The following ANKRD46 variants were observed in gnomAD, a reference collection of about 807,000 sequenced individuals.
ANKRD46 encodes the protein ankyrin repeat domain 46.
In ANKRD46, 13 loss-of-function variants were observed where a neutral mutation model predicts 19.8. The ratio of observed to expected loss-of-function variants is 0.66; its 90% CI spans 0.43 to 1.04. ANKRD46 has a LOEUF of 1.04. Among genes scored for constraint, ANKRD46 ranks in the 50% least tolerant of loss-of-function variants. ANKRD46 has a pLI of 0.00. For missense variants in ANKRD46, 185 were observed against 274.8 expected (o/e 0.67, Z 2.31); for synonymous variants, 91 against 106.9 (o/e 0.85, Z 0.92).
At position 100,525,258 on chromosome 8, in the gene ANKRD46, C is replaced by T. The variant is rs1015061426; in HGVS notation, c.471-2487G>A. Among the ~76,000 whole-genome samples, 1 of 152,190 alleles carries T rather than the reference C, an allele frequency of 6.6e-6. No individual in the cohort carries two copies. The highest frequency in any genetic ancestry group is 2.4e-5 in the African/African-American group (1 of 41,450). Reference sequence around the variant, plus strand: ...ACTTTTTCATCTACATTTATTGAGACATAATTCACATCCCATAATATTTAC... The same window carrying T: ...ACTTTTTCATCTACATTTATTGAGATATAATTCACATCCCATAATATTTAC... On this transcript the variant is annotated intron_variant, in intron 4 of 4. Transcript: ENST00000335659. This position sits in a 1 kb window ranked among gnomAD's most constrained non-coding sequence, Gnocchi z 4.4.
chr8:100,529,994 A>C lies in ANKRD46; in HGVS notation c.-27-134T>G. 1 of 596,250 alleles carries C rather than the reference A, an allele frequency of 1.7e-6. No individual in the cohort carries two copies. 36.9% of individuals were successfully genotyped at this position (596,250 alleles called of 1,614,324 possible). A position where few individuals can be genotyped will look rare whatever the true frequency, so the allele number is the denominator to read the frequency against. The stretch of plus-strand genomic sequence containing the variant: ...AAATAAATGACCAAACAGAAACAAC[A>C]ACAAAGTTATCAATTGTATTTTATT... On this transcript the variant is annotated intron_variant, in intron 2 of 4. Coordinates refer to ENST00000335659, the MANE Select transcript of ANKRD46 (RefSeq NM_001270377.2). The surrounding 1 kb of genome is among the most constrained non-coding windows in gnomAD (Gnocchi z 5.8).
Position 100,511,436 on chromosome 8 carries a change from TTGTGTG to T in ANKRD46, c.637-803_637-798del, listed in dbSNP as rs112670071. Among the ~76,000 whole-genome samples the T allele has an allele frequency of 4.7e-5, 7 of 148,536 alleles. No homozygotes were observed. The highest frequency in any genetic ancestry group is 6.0e-5 in the Non-Finnish European group (4 of 66,724). ...GGTAAATGGTGAGGTAGACACCAAG[TTGTGTG>T]TGTGTGTGTGTGTGTGTGTCCTGTG... is the stretch of plus-strand genomic sequence containing the variant. On this transcript the variant is annotated intron_variant, in intron 5 of 5. Transcript: ENST00000520552. The surrounding 1 kb of genome is among the most constrained non-coding windows in gnomAD (Gnocchi z 4.1).
At position 100,521,389 on chromosome 8, in the gene ANKRD46, G is replaced by A. The variant is rs1811720941; in HGVS notation, c.*1166C>T. On this transcript the variant is annotated 3_prime_UTR_variant, in exon 5 of 5. Transcript: ENST00000335659. ...TTCATATTCTTTTTTAACCACTCAA[G>A]AACATAATTCATACATTACAGAATC... The A allele has an allele frequency of 7.1e-6, 7 of 985,124 alleles. No individual in the cohort carries two copies. The highest frequency in any genetic ancestry group is 8.4e-6 in the Non-Finnish European group (7 of 829,906). The allele number at this position is 985,124 out of a possible 1,614,324, so 61.0% of individuals were successfully genotyped here.
chr8:100,537,672 C>G lies in ANKRD46; in HGVS notation c.-130-4361G>C, dbSNP rs549233865. On this transcript the variant is annotated intron_variant, in intron 1 of 4. Transcript: ENST00000335659. This position sits in a 1 kb window ranked among gnomAD's most constrained non-coding sequence, Gnocchi z 4.2. ...TCTGCAAAAATCCAAAGATACTGGG[C>G]AAGGAAAAATGCCATGTTGAAAAGA... Among the ~76,000 whole-genome samples the G allele has an allele frequency of 6.6e-6, 1 of 152,078 alleles. No homozygotes were observed. The highest frequency in any genetic ancestry group is 2.4e-5 in the African/African-American group (1 of 41,402).
chr8:100,530,173 T>C lies in ANKRD46; in HGVS notation c.-27-313A>G, dbSNP rs1458709300. ...AATAGCTTAGATTTAAGTATTACAT[T>C]GTCAGAACACATAGATAACATGGTG... On this transcript the variant is annotated intron_variant, in intron 2 of 4. Coordinates refer to ENST00000335659, the MANE Select transcript of ANKRD46 (RefSeq NM_001270377.2). 4.6e-5 allele frequency among the ~76,000 whole-genome samples: 7 copies of C among 152,352 alleles called. No homozygotes were observed. In the East Asian group the frequency reaches 1.3e-3, roughly 29 times the overall value.
intron 1 of ANKRD46, among the ~76,000 whole-genome samples, chr8:100,538,526 G>C (rs999613082): frequency 1.3e-5 from 2 of 152,158 alleles, no homozygotes; most frequent in African/African-American, 4.8e-5. Context: ...AGGGACTTGA[G>C]CATCTGTGAA....
chr8:100,534,559 G>C lies in ANKRD46; in HGVS notation c.-130-1248C>G, dbSNP rs1217261184. 6.6e-6 allele frequency among the ~76,000 whole-genome samples: 1 copy of C among 152,144 alleles called. No homozygotes were observed. The highest frequency in any genetic ancestry group is 1.5e-5 in the Non-Finnish European group (1 of 68,028). ...TCTAGAGCTGAGTCTTTAACGACTA[G>C]AGCCTGTCTCTAATGTATGATTTGG... On this transcript the variant is annotated intron_variant, in intron 1 of 4. Coordinates refer to ENST00000335659, the MANE Select transcript of ANKRD46 (RefSeq NM_001270377.2). The surrounding 1 kb of genome is among the most constrained non-coding windows in gnomAD (Gnocchi z 4.2).
chr8:100,535,735 T>C (rs555494566), intron 1 of ANKRD46, among the ~76,000 whole-genome samples: 5 of 152,332 alleles, frequency 3.3e-5, no homozygotes, highest in South Asian at 2.1e-4. Context: ...TGTGTATCCA[T>C]AGTTTGTCCC....
rs1359489069 is a variant in ANKRD46 at position 100,524,720 on chromosome 8, T to A, written c.471-1949A>T. ...CTATGTAAAATTTATTGATTACGAG[T>A]TGACATGCCCTTATACATGTTAGGT... On this transcript the variant is annotated intron_variant, in intron 4 of 4. Transcript: ENST00000335659. This position sits in a 1 kb window ranked among gnomAD's most constrained non-coding sequence, Gnocchi z 4.3. Among the ~76,000 whole-genome samples, 1 of 152,122 alleles carries A rather than the reference T, an allele frequency of 6.6e-6. No individual in the cohort carries two copies. Among genetic ancestry groups the A allele is most frequent in the East Asian group, 1.9e-4 (1 of 5,198 alleles).
rs6468724 is a variant in ANKRD46 at position 100,544,037 on chromosome 8, T to G, written c.-130-10726A>C. 6.6e-6 allele frequency among the ~76,000 whole-genome samples: 1 copy of G among 152,194 alleles called. No individual in the cohort carries two copies. ...TCACTTCCATCACTTAGTTGGACTT[T>G]GCACACTTAGAACTTAACTCCACTG... On this transcript the variant is annotated intron_variant, in intron 1 of 4. Coordinates refer to ENST00000335659, the MANE Select transcript of ANKRD46 (RefSeq NM_001270377.2). The surrounding 1 kb of genome is among the most constrained non-coding windows in gnomAD (Gnocchi z 4.4).
At chr8:100,523,345 C>T (rs1215738200) in intron 4 of ANKRD46, among the ~76,000 whole-genome samples, 1 of 151,544 alleles carries the variant, frequency 6.6e-6, no homozygotes, top group African/African-American at 2.4e-5. Flanking sequence ...CTGAAGAGGA[C>T]AGTCATCTAC....
intron 1 of ANKRD46, among the ~76,000 whole-genome samples, chr8:100,554,110 G>C (rs1485357199): frequency 6.6e-6 from 1 of 152,220 alleles, no homozygotes; most frequent in Non-Finnish European, 1.5e-5. Context: ...ACATGAGAGA[G>C]AGCCAGAGAC....
intron 1 of ANKRD46, among the ~76,000 whole-genome samples, chr8:100,547,576 C>T (rs1034795308): frequency 2.0e-5 from 3 of 152,164 alleles, no homozygotes; most frequent in Non-Finnish European, 1.5e-5. Flanking sequence ...GAGCTGTGAT[C>T]ATGCCACAGC....
rs1240750831 is a variant in ANKRD46, at chr8:100,510,060, TTGTC to T, written c.*513_*516del. ...AAGTCTTTTCTTCCACCCAAATCCA[TTGTC>T]TGAGTGTGAAAGTGCTTTCCTCAGC... On this transcript the variant is annotated 3_prime_UTR_variant, in exon 6 of 6. Coordinates refer to the ANKRD46 transcript ENST00000520552. The surrounding 1 kb of genome is among the most constrained non-coding windows in gnomAD (Gnocchi z 4.9). 6.6e-6 allele frequency: 1 copy of T among 152,598 alleles called. No individual in the cohort carries two copies. Among genetic ancestry groups the T allele is most frequent in the East Asian group, 1.9e-4 (1 of 5,212 alleles). The allele number at this position is 152,598 out of a possible 1,614,324, so 9.5% of individuals were successfully genotyped here.
In ANKRD46 at chr8:100,537,469, G is replaced by A. The variant is rs137935370; in HGVS notation, c.-130-4158C>T. Among the ~76,000 whole-genome samples the A allele has an allele frequency of 2.0e-5, 3 of 152,280 alleles. No individual in the cohort carries two copies. Among genetic ancestry groups the A allele is most frequent in the African/African-American group, 7.2e-5 (3 of 41,556 alleles). On this transcript the variant is annotated intron_variant, in intron 1 of 4. Transcript: ENST00000335659. This position sits in a 1 kb window ranked among gnomAD's most constrained non-coding sequence, Gnocchi z 4.2. Reference sequence around the variant, plus strand: ...AAGTACTAAAACTGTAAAAATGAATGATACACAGTAAATGAAACCCCCAAA... The same window carrying A: ...AAGTACTAAAACTGTAAAAATGAATAATACACAGTAAATGAAACCCCCAAA...
chr8:100,514,764 C>T (rs927472128), intron 5 of ANKRD46, among the ~76,000 whole-genome samples: 1 of 151,830 alleles, frequency 6.6e-6, no homozygotes, highest in Admixed American at 6.6e-5. Flanking sequence ...CTCAGCCTCC[C>T]AAGTAGCTGG....
intron 1 of ANKRD46, among the ~76,000 whole-genome samples, chr8:100,535,692 T>C (rs1018914287): frequency 2.4e-4 from 37 of 152,188 alleles, no homozygotes. Flanking sequence ...TTTCACTCAG[T>C]ATAATTCTCT....
At chr8:100,514,985 C>T (rs971220593) in intron 5 of ANKRD46, among the ~76,000 whole-genome samples, 1 of 152,116 alleles carries the variant, frequency 6.6e-6, no homozygotes, top group Non-Finnish European at 1.5e-5. Flanking sequence ...TTCAGAGATG[C>T]TTCTAAAGAT....
In ANKRD46 at chr8:100,510,990, G is replaced by T. The variant is rs552450906; in HGVS notation, c.637-351C>A. 3.3e-5 allele frequency among the ~76,000 whole-genome samples: 5 copies of T among 152,328 alleles called. No homozygotes were observed. Among genetic ancestry groups the T allele is most frequent in the African/African-American group, 1.2e-4 (5 of 41,584 alleles). On this transcript the variant is annotated intron_variant, in intron 5 of 5. Coordinates refer to the ANKRD46 transcript ENST00000520552. The surrounding 1 kb of genome is among the most constrained non-coding windows in gnomAD (Gnocchi z 4.9). ...GACCAATTACACAAGAATAGAGGTT[G>T]ACCTGTCTTTCAGCAAATAAATGCT...
Sources: allele counts gnomAD v4.1 joint callset (sites outside exome capture counted in the v4.1 genomes callset), GRCh38; gene constraint gnomAD v4.1.1; non-coding constraint Gnocchi (gnomAD v3.1); transcripts MANE v1.5; gene names NCBI Gene and HGNC (gene_info 2026-07-23, HGNC 2026-07-21).